Variants in PTPRD observed in about 807,000 individuals in gnomAD.
PTPRD encodes the protein receptor-type tyrosine-protein phosphatase delta.
Under a neutral mutation model 214.5 loss-of-function variants are expected in PTPRD, and 34 were observed. The ratio of observed to expected loss-of-function variants is 0.16; its 90% CI spans 0.12 to 0.21. PTPRD has a LOEUF of 0.21. Among genes scored for constraint, PTPRD ranks in the 10% least tolerant of loss-of-function variants. The probability of loss-of-function intolerance (pLI) is 1.00; values close to 1 mark genes in which losing one functional copy is unlikely to be tolerated. For synonymous variants in PTPRD, 1,128 were observed against 845.7 expected, an observed-to-expected ratio of 1.33 and a Z score of -5.79; for missense variants, 2,545 against 2,398.7, an observed-to-expected ratio of 1.06 and a Z score of -1.27.
At chr9:9,927,656 T>C (rs1018546381) in intron 5 of PTPRD, among the ~76,000 whole-genome samples, 1 of 152,164 alleles carries the variant, frequency 6.6e-6, no homozygotes, top group Non-Finnish European at 1.5e-5. Context: ...ACACCGTGCA[T>C]CTCCTATGAT....
At chr9:9,045,757 T>C (rs1053284171) in intron 10 of PTPRD, among the ~76,000 whole-genome samples, 1 of 152,164 alleles carries the variant, frequency 6.6e-6, no homozygotes, top group African/African-American at 2.4e-5. Context: ...GCACCAGCTG[T>C]TGGGTCCTGG....
At chr9:9,980,639 A>AAAAAAAAC (rs2095513468) in intron 4 of PTPRD, among the ~76,000 whole-genome samples, 1 of 135,004 alleles carries the variant, frequency 7.4e-6, no homozygotes, top group Non-Finnish European at 1.6e-5. Flanking sequence ...AAAAAACAAA[A>AAAAAAAAC]AAAAAAACCC....
chr9:8,790,942 G>T (rs774233618), intron 11 of PTPRD, among the ~76,000 whole-genome samples: 153 of 152,198 alleles, frequency 1.0e-3, no homozygotes, highest in Non-Finnish European at 1.3e-3. Flanking sequence ...CTCTATACTG[G>T]ACAAAACAGA....
chr9:8,786,847 G>A (rs568006217), intron 11 of PTPRD, among the ~76,000 whole-genome samples: 1 of 152,162 alleles, frequency 6.6e-6, no homozygotes, highest in Non-Finnish European at 1.5e-5. Context: ...CTAAGGAAAT[G>A]TTTATTTCAA....
chr9:9,665,888 A>T (rs1213573609), intron 7 of PTPRD, among the ~76,000 whole-genome samples: 1 of 151,940 alleles, frequency 6.6e-6, no homozygotes, highest in Non-Finnish European at 1.5e-5. Context: ...GACATACCAT[A>T]TTTCAAATGT....
chr9:9,952,420 G>A (rs1305481659), intron 4 of PTPRD, among the ~76,000 whole-genome samples: 1 of 152,140 alleles, frequency 6.6e-6, no homozygotes, highest in Non-Finnish European at 1.5e-5. Flanking sequence ...TGTTCCTGGG[G>A]CAAGATGTAG....
chr9:10,275,801 G>C (rs907672305), intron 3 of PTPRD, among the ~76,000 whole-genome samples: 4 of 152,176 alleles, frequency 2.6e-5, no homozygotes, highest in African/African-American at 4.8e-5. Context: ...GGAGCCAAAA[G>C]TGAAGCATGC....
intron 3 of PTPRD, among the ~76,000 whole-genome samples, chr9:10,062,648 C>T (rs983928210): frequency 6.6e-6 from 1 of 151,994 alleles, no homozygotes; most frequent in African/African-American, 2.4e-5. Context: ...TCTTCTACAA[C>T]AGAGTTGTTA....
At chr9:8,591,958 T>C (rs1040377639) in intron 14 of PTPRD, among the ~76,000 whole-genome samples, 1 of 152,098 alleles carries the variant, frequency 6.6e-6, no homozygotes, top group Non-Finnish European at 1.5e-5. Flanking sequence ...AAAAAATAAA[T>C]TTGGGGCAGC....
chr9:8,385,322 T>A (rs2086599777), intron 37 of PTPRD, among the ~76,000 whole-genome samples: 1 of 151,860 alleles, frequency 6.6e-6, no homozygotes, highest in Non-Finnish European at 1.5e-5. Flanking sequence ...AGGCCAGGAG[T>A]TTGAGACCAG....
intron 2 of PTPRD, among the ~76,000 whole-genome samples, chr9:10,492,331 A>G (rs1410371548): frequency 6.6e-6 from 1 of 151,988 alleles, no homozygotes; most frequent in African/African-American, 2.4e-5. Context: ...CCCCACCAAC[A>G]GTGTAAAAGT....
At chr9:9,824,498 A>C (rs550531574) in intron 5 of PTPRD, among the ~76,000 whole-genome samples, 1 of 152,124 alleles carries the variant, frequency 6.6e-6, no homozygotes, top group Admixed American at 6.6e-5. Flanking sequence ...CTTCTGTAAT[A>C]AAATATATAA....
intron 9 of PTPRD, among the ~76,000 whole-genome samples, chr9:9,300,336 C>G (rs937574692): frequency 6.6e-6 from 1 of 151,658 alleles, no homozygotes; most frequent in African/African-American, 2.4e-5. Context: ...CCTTCCAGAT[C>G]AATGTATTCC....
chr9:10,583,089 C>T (rs2072560742), intron 2 of PTPRD, among the ~76,000 whole-genome samples: 1 of 152,152 alleles, frequency 6.6e-6, no homozygotes, highest in African/African-American at 2.4e-5. Context: ...GAAAAACACA[C>T]ACAGAGGTGA....
intron 5 of PTPRD, among the ~76,000 whole-genome samples, chr9:9,791,267 G>A (rs1445491747): frequency 1.3e-5 from 2 of 152,076 alleles, no homozygotes; most frequent in Middle Eastern, 3.4e-3. Flanking sequence ...AAATGAAAAA[G>A]GTGTTCTGGA....
At chr9:10,444,613 A>G (rs1003892821) in intron 2 of PTPRD, among the ~76,000 whole-genome samples, 1 of 151,906 alleles carries the variant, frequency 6.6e-6, no homozygotes, top group Non-Finnish European at 1.5e-5. Flanking sequence ...TATATGAAAT[A>G]TAAAGGAAGA....
chr9:8,467,835 T>C (rs1208137165), intron 31 of PTPRD, among the ~76,000 whole-genome samples: 1 of 152,068 alleles, frequency 6.6e-6, no homozygotes, highest in South Asian at 2.1e-4. Context: ...TGAAGCATCA[T>C]TACACAGCTT....
intron 9 of PTPRD, among the ~76,000 whole-genome samples, chr9:9,194,821 A>C (rs909722960): frequency 2.0e-5 from 3 of 152,092 alleles, no homozygotes; most frequent in South Asian, 4.1e-4. Flanking sequence ...GGGATGTGGA[A>C]CAAAATGCTT....
intron 10 of PTPRD, among the ~76,000 whole-genome samples, chr9:9,158,221 T>A (rs12375909): frequency 6.6e-6 from 1 of 152,152 alleles, no homozygotes; most frequent in African/African-American, 2.4e-5. Flanking sequence ...CCTGGCTATG[T>A]GGCTATATAC....
Sources: gnomAD v4.1 joint callset for allele counts (sites outside exome capture counted in the v4.1 genomes callset) on GRCh38, gnomAD v4.1.1 for gene constraint, MANE v1.5 for transcripts, NCBI Gene and HGNC (gene_info 2026-07-23, HGNC 2026-07-21) for gene names.